PWWP2A: variants seen among roughly 807,000 people sequenced by gnomAD.
The protein encoded by PWWP2A is PWWP domain containing 2A.
A neutral mutation model predicts 48.5 loss-of-function variants in PWWP2A; 18 were observed. That is an observed-to-expected ratio of 0.37 (90% confidence interval 0.26 to 0.55). The LOEUF is 0.55. PWWP2A is among the 20% of genes least tolerant of loss of function. PWWP2A has a pLI of 0.81. For missense variants in PWWP2A, 867 were observed against 976.4 expected (o/e 0.89, Z 1.49); for synonymous variants, 396 against 387.7 (o/e 1.02, Z -0.25).
chr5:160,112,543 T>C (rs1581275452), intron 1 of PWWP2A, among the ~76,000 whole-genome samples: 1 of 151,980 alleles, frequency 6.6e-6, no homozygotes, highest in South Asian at 2.1e-4. Flanking sequence ...GTTAAGTAAA[T>C]ACAATGCTCA....
At chr5:160,063,827 A>C (rs1267365982) in intron 4 of PWWP2A, among the ~76,000 whole-genome samples, 1 of 152,100 alleles carries the variant, frequency 6.6e-6, no homozygotes, top group Non-Finnish European at 1.5e-5. Context: ...AAATTTGTAG[A>C]GATAGAGTCT....
rs756040427 is a variant in PWWP2A at position 160,093,383 on chromosome 5, T to C, written c.1267A>G (p.Met423Val). The change falls in exon 2 of 2, where the codon ATG becomes GTG. Residue 423 changes from methionine (M) to valine (V), a missense_variant. Physicochemically the swap from Met to Val is conservative, Grantham distance 21. Transcript: ENST00000307063. This position sits in a 1 kb window ranked among gnomAD's most constrained non-coding sequence, Gnocchi z 5.8. Reference sequence around the variant, plus strand: ...ACTTCCCGAGCTTTCGCATGATCCATGTTCTTACTCTGGAGAACTTTTTTA... The same window carrying C: ...ACTTCCCGAGCTTTCGCATGATCCACGTTCTTACTCTGGAGAACTTTTTTA... ...STKKVLQSKN[M>V]DHAKAREVLK... The C allele has an allele frequency of 1.9e-6, 3 of 1,613,936 alleles. No homozygotes were observed. Among genetic ancestry groups the C allele is most frequent in the Admixed American group, 1.7e-5 (1 of 59,996 alleles).
downstream of PWWP2A, among the ~76,000 whole-genome samples, chr5:160,057,084 A>G (rs1757565207): frequency 1.3e-5 from 2 of 152,164 alleles, no homozygotes; most frequent in African/African-American, 2.4e-5. This position sits in a 1 kb window ranked among gnomAD's most constrained non-coding sequence, Gnocchi z 4.4. Context: ...CAAGAAACCA[A>G]TTCCTTGTTG....
Position 160,078,036 on chromosome 5 carries a change from T to G in PWWP2A, c.*119A>C. ...GTGCCCCTTTATAGACTGTTGTTTT[T>G]AACCACTGCCTTAACATTTACTTCT... On this transcript the variant is annotated 3_prime_UTR_variant, in exon 4 of 4. Coordinates refer to the PWWP2A transcript ENST00000456329. This position sits in a 1 kb window ranked among gnomAD's most constrained non-coding sequence, Gnocchi z 4.2. 2.3e-6 allele frequency: 2 copies of G among 872,842 alleles called. No homozygotes were observed. The allele number at this position is 872,842 out of a possible 1,614,324, so 54.1% of individuals were successfully genotyped here. A position where few individuals can be genotyped will look rare whatever the true frequency, so the allele number is the denominator to read the frequency against.
At chr5:160,064,848 C>G in intron 4 of PWWP2A, 1 of 1,395,998 alleles carries the variant, frequency 7.2e-7, no homozygotes, top group Non-Finnish European at 9.8e-7. Context: ...ATATTTTGTA[C>G]TCAGTGGTAA....
chr5:160,069,330 T>C (rs1164651264), intron 2 of PWWP2A, among the ~76,000 whole-genome samples: 1 of 151,982 alleles, frequency 6.6e-6, no homozygotes, highest in Admixed American at 6.6e-5. Flanking sequence ...GTCCAAAGAA[T>C]GCAGTGGGAG....
rs1194373236 is a variant in PWWP2A at position 160,093,682 on chromosome 5, T to C, written c.968A>G (p.Asp323Gly). 6.2e-7 allele frequency: 1 copy of C among 1,614,076 alleles called. No homozygotes were observed. Among genetic ancestry groups the C allele is most frequent in the African/African-American group, 1.3e-5 (1 of 75,074 alleles). Residue 323 changes from aspartate (D) to glycine (G), a missense_variant, in exon 2 of 2, where the codon GAT becomes GGT. This residue lies in a region of PWWP2A where 382 missense variants were observed against 407.2 expected (regional missense o/e 0.94). Transcript: ENST00000307063. This position sits in a 1 kb window ranked among gnomAD's most constrained non-coding sequence, Gnocchi z 5.8. Reference protein sequence around the residue: ...IKLRPRQVLCDKCKNSVVAEK... With the variant: ...IKLRPRQVLCGKCKNSVVAEK... ...AGCAACAACACTGTTTTTACATTTA[T>C]CACACAGAACTTGCCTGGGTCGTAG...
chr5:160,081,245 T>C (rs1754210847), intron 2 of PWWP2A, among the ~76,000 whole-genome samples: 1 of 114,326 alleles, frequency 8.7e-6, no homozygotes, highest in Admixed American at 9.8e-5. Flanking sequence ...CCCCCTTTTT[T>C]TTTTTTTTTT....
the PWWP2A span, among the ~76,000 whole-genome samples, chr5:160,052,829 C>G: frequency 6.6e-6 from 1 of 152,118 alleles, no homozygotes; most frequent in East Asian, 1.9e-4. Flanking sequence ...ATGTCATTCT[C>G]TTCATTTGAA....
downstream of PWWP2A, among the ~76,000 whole-genome samples, chr5:160,057,461 C>T (rs956868900): frequency 2.6e-5 from 4 of 151,834 alleles, no homozygotes; most frequent in Non-Finnish European, 4.4e-5. This position sits in a 1 kb window ranked among gnomAD's most constrained non-coding sequence, Gnocchi z 4.4. Flanking sequence ...AAAATGCTGA[C>T]GATGAGCCCA....
downstream of PWWP2A, among the ~76,000 whole-genome samples, chr5:160,089,114 C>T (rs1176522220): frequency 1.3e-5 from 2 of 152,100 alleles, no homozygotes; most frequent in Non-Finnish European, 2.9e-5. Flanking sequence ...TTTTCCCCAT[C>T]AAAACCATCT....
At chr5:160,060,810 T>C (rs1317462072), downstream of PWWP2A, among the ~76,000 whole-genome samples, 2 of 152,230 alleles carry the variant, frequency 1.3e-5, no homozygotes, top group Non-Finnish European at 2.9e-5. Flanking sequence ...ACCAAAAACT[T>C]GTTGATTCTA....
intron 1 of PWWP2A, among the ~76,000 whole-genome samples, chr5:160,106,501 G>GA (rs1487131181): frequency 6.6e-6 from 1 of 151,450 alleles, no homozygotes; most frequent in East Asian, 1.9e-4. Flanking sequence ...AAATATGCAG[G>GA]AAAAAATAAA....
At chr5:160,095,363 G>A (rs1440420343) in intron 1 of PWWP2A, among the ~76,000 whole-genome samples, 3 of 152,056 alleles carry the variant, frequency 2.0e-5, no homozygotes, top group Non-Finnish European at 4.4e-5. Context: ...GTGGCTTAAC[G>A]TGCCTGGGCT....
chr5:160,068,620 C>T (rs574650600), intron 2 of PWWP2A, among the ~76,000 whole-genome samples: 1 of 152,164 alleles, frequency 6.6e-6, no homozygotes, highest in African/African-American at 2.4e-5. Context: ...AATTTTTGAT[C>T]TTTTAGAATT....
the PWWP2A span, among the ~76,000 whole-genome samples, chr5:160,052,548 C>CAAAAA: frequency 9.4e-3 from 641 of 68,068 alleles, 103 homozygotes; most frequent in African/African-American, 0.024. Context: ...TCTATTTTAG[C>CAAAAA]AAAAAAAAAA....
At chr5:160,116,510 T>C (rs1384474962) in intron 1 of PWWP2A, among the ~76,000 whole-genome samples, 2 of 152,180 alleles carry the variant, frequency 1.3e-5, no homozygotes, top group Non-Finnish European at 2.9e-5. Flanking sequence ...CACTTCAGAA[T>C]ATTCAAATGG....
Position 160,095,678 on chromosome 5 carries a change from G to A in PWWP2A, c.585-1613C>T, listed in dbSNP as rs182786175. 4.7e-3 allele frequency among the ~76,000 whole-genome samples: 642 copies of A among 137,904 alleles called. 5 individuals carry two copies. Among genetic ancestry groups the A allele is most frequent in the African/African-American group, 0.017 (620 of 37,242 alleles). The allele number at this position is 137,904 out of a possible 152,430, so 90.5% of individuals were successfully genotyped here. A position where few individuals can be genotyped will look rare whatever the true frequency, so the allele number is the denominator to read the frequency against. ...CAAATCTTCAGTGCTCAGATTCTCC[G>A]AAATGTTCTTTTTTTTTTTTTTTTT... On this transcript the variant is annotated intron_variant, in intron 1 of 1. Coordinates refer to ENST00000307063, the MANE Select transcript of PWWP2A (RefSeq NM_001130864.2).
intron 1 of PWWP2A, among the ~76,000 whole-genome samples, chr5:160,106,343 G>A (rs553877661): frequency 6.6e-6 from 1 of 152,226 alleles, no homozygotes; most frequent in South Asian, 2.1e-4. Flanking sequence ...ATGAAATGGG[G>A]ATTAATAGAA....
Sources: allele counts gnomAD v4.1 joint callset (sites outside exome capture counted in the v4.1 genomes callset), GRCh38; gene constraint gnomAD v4.1.1; regional missense constraint gnomAD v4.1.1; non-coding constraint Gnocchi (gnomAD v3.1); transcripts MANE v1.5; gene names NCBI Gene and HGNC (gene_info 2026-07-23, HGNC 2026-07-21).